The following PHACTR1 variants were observed in gnomAD, a reference collection of about 807,000 sequenced individuals.
PHACTR1 encodes RPEL repeat containing 1.
A neutral mutation model predicts 69.2 loss-of-function variants in PHACTR1; 16 were observed. That is an observed-to-expected ratio of 0.23 (90% CI 0.16 to 0.35). The LOEUF is 0.35. PHACTR1 is among the 10% of genes least tolerant of loss of function. The probability of loss-of-function intolerance (pLI) is 1.00; values close to 1 mark genes in which losing one functional copy is unlikely to be tolerated. For synonymous variants in PHACTR1, 312 were observed against 284.5 expected, an observed-to-expected ratio of 1.10 and a Z score of -0.97; for missense variants, 510 against 734.7, an observed-to-expected ratio of 0.69 and a Z score of 3.54.
At chr6:13,218,427 C>T (rs1332886318) in intron 8 of PHACTR1, among the ~76,000 whole-genome samples, 1 of 152,190 alleles carries the variant, frequency 6.6e-6, no homozygotes, top group Non-Finnish European at 1.5e-5. Context: ...GGCATTCATT[C>T]CTGTATGAAA....
intron 4 of PHACTR1, among the ~76,000 whole-genome samples, chr6:12,771,261 C>G (rs1450334174): frequency 6.6e-6 from 1 of 152,090 alleles, no homozygotes; most frequent in African/African-American, 2.4e-5. Flanking sequence ...TACTCAGGAC[C>G]TAGTAAACAA....
intron 5 of PHACTR1, among the ~76,000 whole-genome samples, chr6:13,156,018 C>A (rs1482132768): frequency 6.6e-6 from 1 of 152,120 alleles, no homozygotes; most frequent in African/African-American, 2.4e-5. Context: ...TTTTTAGAGC[C>A]TTTTTGTTTT....
chr6:12,766,185 C>T lies in PHACTR1; in HGVS notation c.250+16395C>T, dbSNP rs528409215. ...GAAATGGAAATGATGTGCTCCACCTCAGAGGCTGTCCTTCAACTCCATGTC... is the reference window on the plus strand; with the variant it reads ...GAAATGGAAATGATGTGCTCCACCTTAGAGGCTGTCCTTCAACTCCATGTC... On this transcript the variant is annotated intron_variant, in intron 4 of 14. Coordinates refer to ENST00000332995, the MANE Select transcript of PHACTR1 (RefSeq NM_030948.6). 2.9e-4 allele frequency among the ~76,000 whole-genome samples: 44 copies of T among 152,328 alleles called. 2 individuals carry two copies. In the South Asian group the frequency reaches 5.6e-3, roughly 19 times the overall value.
intron 5 of PHACTR1, among the ~76,000 whole-genome samples, chr6:13,151,921 AGT>A (rs35038578): frequency 5.3e-5 from 8 of 150,662 alleles, no homozygotes; most frequent in Non-Finnish European, 7.4e-5. Flanking sequence ...TTTATAAATA[AGT>A]GTGTGTGTGT....
At chr6:13,272,991 T>TAGAAACC in intron 11 of PHACTR1, 76 bp downstream of exon 11, 1 of 1,580,020 alleles carries the variant, frequency 6.3e-7, no homozygotes, top group Middle Eastern at 1.7e-4. Context: ...GGCCACAAGG[T>TAGAAACC]TTCTACCTTG....
At chr6:13,017,012 C>A (rs538177056) in intron 4 of PHACTR1, among the ~76,000 whole-genome samples, 2 of 151,982 alleles carry the variant, frequency 1.3e-5, no homozygotes, top group African/African-American at 4.8e-5. Flanking sequence ...CAGGATGAAA[C>A]CCTGTCTCTA....
At chr6:13,210,254 A>G (rs577970264) in intron 8 of PHACTR1, among the ~76,000 whole-genome samples, 3 of 152,218 alleles carry the variant, frequency 2.0e-5, no homozygotes, top group South Asian at 2.1e-4. Context: ...GTCTAAAGTG[A>G]TCATCCTGCC....
intron 5 of PHACTR1, among the ~76,000 whole-genome samples, chr6:13,122,952 T>C (rs1433314711): frequency 1.3e-5 from 2 of 151,172 alleles, no homozygotes; most frequent in African/African-American, 4.9e-5. Context: ...TCTTTCATTT[T>C]GTTTAATTAC....
intron 5 of PHACTR1, among the ~76,000 whole-genome samples, chr6:13,092,039 C>G (rs1222157205): frequency 2.0e-5 from 3 of 152,188 alleles, no homozygotes; most frequent in Non-Finnish European, 1.5e-5. Flanking sequence ...ACCTCATGAT[C>G]CGCCCATCTC....
chr6:13,031,201 T>G (rs1303805940), intron 4 of PHACTR1, among the ~76,000 whole-genome samples: 2 of 152,226 alleles, frequency 1.3e-5, no homozygotes, highest in African/African-American at 4.8e-5. Flanking sequence ...AGGATAGTCT[T>G]AATTTTAGGT....
intron 4 of PHACTR1, among the ~76,000 whole-genome samples, chr6:12,938,513 C>T (rs1789721291): frequency 2.0e-5 from 3 of 152,154 alleles, no homozygotes; most frequent in African/African-American, 7.2e-5. Flanking sequence ...CAACACCAAG[C>T]CCTATCTGGT....
chr6:13,278,081 G>T, intron 11 of PHACTR1, 187 bp from the exon 12 acceptor site: 2 of 503,052 alleles, frequency 4.0e-6, no homozygotes, highest in Non-Finnish European at 7.2e-6. Context: ...GTAGCAATTT[G>T]AAACAACGCA....
At chr6:12,798,069 C>CACACACACACA (rs1561892342) in intron 4 of PHACTR1, among the ~76,000 whole-genome samples, 7 of 149,480 alleles carry the variant, frequency 4.7e-5, no homozygotes, top group Admixed American at 1.3e-4. Context: ...CACACACACA[C>CACACACACACA]CCCTACATAA....
At chr6:12,994,896 AT>A (rs1366590432) in intron 4 of PHACTR1, among the ~76,000 whole-genome samples, 1 of 152,172 alleles carries the variant, frequency 6.6e-6, no homozygotes, top group African/African-American at 2.4e-5. Context: ...GATAATGATA[AT>A]TAAAATATAT....
chr6:12,841,024 G>A (rs992559463), intron 4 of PHACTR1, among the ~76,000 whole-genome samples: 11 of 152,322 alleles, frequency 7.2e-5, no homozygotes, highest in Admixed American at 2.0e-4. Context: ...GTGGCACTCC[G>A]CAGGACGGGG....
At chr6:13,266,447 C>T (rs1776716254) in intron 10 of PHACTR1, 1 of 151,482 alleles carries the variant, frequency 6.6e-6, no homozygotes, top group Non-Finnish European at 1.5e-5. Context: ...AACGGCTTCA[C>T]ATTGCTCCTA....
In PHACTR1 at chr6:13,287,203, G is replaced by C; in HGVS notation, c.*125G>C. On this transcript the variant is annotated 3_prime_UTR_variant, in exon 15 of 15. Coordinates refer to ENST00000332995, the MANE Select transcript of PHACTR1 (RefSeq NM_030948.6). ...TTCTGAACTGCCTTTTTTTTAAAAA[G>C]AAGAAAAATCAAGGAAACACAATCA... The C allele has an allele frequency of 9.9e-7, 1 of 1,006,630 alleles. No individual in the cohort carries two copies. The highest frequency in any genetic ancestry group is 1.4e-6 in the Non-Finnish European group (1 of 696,760). The allele number at this position is 1,006,630 out of a possible 1,614,324, so 62.4% of individuals were successfully genotyped here.
intron 5 of PHACTR1, among the ~76,000 whole-genome samples, chr6:13,079,641 C>T (rs1583266236): frequency 6.6e-6 from 1 of 152,110 alleles, no homozygotes; most frequent in Admixed American, 6.6e-5. Context: ...GGGATTTTGA[C>T]AAGTAAAATG....
intron 4 of PHACTR1, among the ~76,000 whole-genome samples, chr6:12,776,449 C>T (rs1770073761): frequency 6.6e-6 from 1 of 152,184 alleles, no homozygotes; most frequent in Non-Finnish European, 1.5e-5. Context: ...AGCTGACCCT[C>T]CTGTCCCTGG....
Sources: allele counts gnomAD v4.1 joint callset (sites outside exome capture counted in the v4.1 genomes callset), GRCh38; gene constraint gnomAD v4.1.1; transcripts MANE v1.5; gene names NCBI Gene and HGNC (gene_info 2026-07-23, HGNC 2026-07-21).